The following UBTD1 variants were observed in gnomAD, a reference collection of about 807,000 sequenced individuals.
UBTD1 encodes the protein ubiquitin domain-containing protein 1.
In UBTD1, 19 loss-of-function variants were observed where a neutral mutation model predicts 21.7. That is an observed-to-expected ratio of 0.87 (90% confidence interval 0.61 to 1.28). UBTD1 has a LOEUF of 1.28. UBTD1 is among the 50% of genes most tolerant of loss of function. UBTD1 has a pLI of 0.00. For missense variants in UBTD1, 282 were observed against 315.1 expected, an observed-to-expected ratio of 0.89 and a Z score of 0.80; for synonymous variants, 116 against 135.1, an observed-to-expected ratio of 0.86 and a Z score of 0.98.
chr10:97,520,902 C>T (rs1474712342), intron 1 of UBTD1, among the ~76,000 whole-genome samples: 1 of 152,192 alleles, frequency 6.6e-6, no homozygotes, highest in African/African-American at 2.4e-5. Context: ...CCAGCAAGTG[C>T]TCAGAGTCTG....
rs1411596795 is a variant in UBTD1 at position 97,570,366 on chromosome 10, G to A, written c.527G>A (p.Arg176Lys). 1.9e-6 allele frequency: 3 copies of A among 1,613,220 alleles called. No individual in the cohort carries two copies. The highest frequency in any genetic ancestry group is 3.3e-5 in the Admixed American group (2 of 60,008). The stretch of plus-strand genomic sequence containing the variant: ...CCCGACACAGTGGGGCAGCTCAAGA[G>A]GCAGCTGCACGCCCAGGAGGGCATC... ...SLPDTVGQLK[R>K]QLHAQEGIEP... is the part of the protein sequence containing the mutation. Residue 176 changes from arginine to lysine, a missense_variant, in exon 3 of 3, where the codon AGG (arginine) becomes AAG (lysine). Coordinates refer to ENST00000370664, the MANE Select transcript of UBTD1 (RefSeq NM_024954.5). The surrounding 1 kb of genome is among the most constrained non-coding windows in gnomAD (Gnocchi z 6.6).
chr10:97,504,588 T>C (rs12357653), intron 1 of UBTD1, among the ~76,000 whole-genome samples: 8,796 of 152,276 alleles, frequency 0.058, 316 homozygotes, highest in African/African-American at 0.11. Flanking sequence ...TTTTATTTTG[T>C]TCCATTGCTT....
intron 1 of UBTD1, among the ~76,000 whole-genome samples, chr10:97,532,761 G>A (rs897811940): frequency 1.3e-5 from 2 of 151,902 alleles, no homozygotes; most frequent in Non-Finnish European, 2.9e-5. Context: ...CTGCTCTCCA[G>A]CCTGGGCAAC....
chr10:97,509,657 T>C (rs1472788744), intron 1 of UBTD1, among the ~76,000 whole-genome samples: 1 of 151,876 alleles, frequency 6.6e-6, no homozygotes, highest in Non-Finnish European at 1.5e-5. Context: ...TCCTTTTTTT[T>C]CCCCCCACCC....
At chr10:97,568,332 A>T (rs2040728286) in intron 2 of UBTD1, among the ~76,000 whole-genome samples, 191 bp downstream of exon 2, 1 of 152,230 alleles carries the variant, frequency 6.6e-6, no homozygotes, top group Admixed American at 6.5e-5. Flanking sequence ...TGCTTGCCTA[A>T]TGACATGACA....
At chr10:97,511,105 A>C (rs1480490439) in intron 1 of UBTD1, among the ~76,000 whole-genome samples, 1 of 152,096 alleles carries the variant, frequency 6.6e-6, no homozygotes, top group African/African-American at 2.4e-5. Flanking sequence ...ACTGCTGATA[A>C]ACTTCCACAT....
intron 1 of UBTD1, among the ~76,000 whole-genome samples, chr10:97,532,626 TTAAAAGTATAAAA>T (rs1213429006): frequency 6.6e-6 from 1 of 151,998 alleles, no homozygotes; most frequent in African/African-American, 2.4e-5. Context: ...CCCGTCTCTA[TTAAAAGTATAAAA>T]ATTAGCTGGG....
At chr10:97,544,414 A>G (rs1411066886) in intron 1 of UBTD1, among the ~76,000 whole-genome samples, 1 of 152,194 alleles carries the variant, frequency 6.6e-6, no homozygotes, top group Non-Finnish European at 1.5e-5. Context: ...TATTCCAGAG[A>G]GCAGAGCTGA....
At position 97,560,129 on chromosome 10, in the gene UBTD1, A is replaced by AT. The variant is rs200001647; in HGVS notation, c.71-7775dup. 7.8e-3 allele frequency among the ~76,000 whole-genome samples: 1,167 copies of AT among 149,926 alleles called. 18 individuals carry two copies. The highest frequency in any genetic ancestry group is 0.027 in the African/African-American group (1,087 of 40,956). On this transcript the variant is annotated intron_variant, in intron 1 of 2. Coordinates refer to ENST00000370664, the MANE Select transcript of UBTD1 (RefSeq NM_024954.5). ...TTCAACTTTTTGACTTGTTACAAAC[A>AT]TTTTTTTTTTCTTTAAACAACCACT...
At chr10:97,560,935 C>CCAAAAT in intron 1 of UBTD1, among the ~76,000 whole-genome samples, 1 of 151,278 alleles carries the variant, frequency 6.6e-6, no homozygotes, top group Non-Finnish European at 1.5e-5. Flanking sequence ...AAAACCAAAA[C>CCAAAAT]CAAAGTATCA....
intron 1 of UBTD1, among the ~76,000 whole-genome samples, chr10:97,539,957 C>G (rs1178613264): frequency 6.6e-6 from 1 of 152,112 alleles, no homozygotes; most frequent in Non-Finnish European, 1.5e-5. Context: ...TTCCAAACAA[C>G]CACCCCCAGA....
intron 1 of UBTD1, among the ~76,000 whole-genome samples, chr10:97,503,722 C>T (rs2040387178): frequency 6.6e-6 from 1 of 152,160 alleles, no homozygotes; most frequent in African/African-American, 2.4e-5. Context: ...GCCAAGCACC[C>T]TGCTGGCTGT....
chr10:97,529,710 G>C (rs891165114), intron 1 of UBTD1, among the ~76,000 whole-genome samples: 4 of 152,036 alleles, frequency 2.6e-5, no homozygotes, highest in Non-Finnish European at 4.4e-5. Flanking sequence ...GTCCAGCTTC[G>C]GCTCGGCATG....
At chr10:97,550,337 G>A (rs1227052242) in intron 1 of UBTD1, among the ~76,000 whole-genome samples, 1 of 152,176 alleles carries the variant, frequency 6.6e-6, no homozygotes, top group Non-Finnish European at 1.5e-5. Context: ...GGCCTGACTG[G>A]GGAAATCTCT....
chr10:97,535,544 G>A (rs975674315), intron 1 of UBTD1, among the ~76,000 whole-genome samples: 1 of 152,182 alleles, frequency 6.6e-6, no homozygotes, highest in Non-Finnish European at 1.5e-5. Context: ...GAACCCAGGA[G>A]GCGGAGGTTG....
chr10:97,499,139 G>A lies in UBTD1; in HGVS notation c.-65G>A. The A allele has an allele frequency of 2.0e-6, 3 of 1,466,380 alleles. No individual in the cohort carries two copies. Among genetic ancestry groups the A allele is most frequent in the Non-Finnish European group, 2.7e-6 (3 of 1,100,836 alleles). The allele number at this position is 1,466,380 out of a possible 1,614,324, so 90.8% of individuals were successfully genotyped here. The stretch of plus-strand genomic sequence containing the variant: ...GCCGGAGCCATTGACCCGGGACGCC[G>A]CCGTCCGCTGAGCAGCCGACCACCC... On this transcript the variant is annotated 5_prime_UTR_variant, in exon 1 of 3. Coordinates refer to ENST00000370664, the MANE Select transcript of UBTD1 (RefSeq NM_024954.5).
chr10:97,509,452 G>T (rs943831187), intron 1 of UBTD1, among the ~76,000 whole-genome samples: 1 of 152,176 alleles, frequency 6.6e-6, no homozygotes, highest in Admixed American at 6.5e-5. Flanking sequence ...ACAGCACAGC[G>T]GATGCTTAGA....
chr10:97,552,010 C>G (rs1043156498), intron 1 of UBTD1, among the ~76,000 whole-genome samples: 2 of 151,994 alleles, frequency 1.3e-5, no homozygotes, highest in Admixed American at 1.3e-4. Flanking sequence ...CTTCTGGGCT[C>G]AAGTTATCCT....
intron 1 of UBTD1, among the ~76,000 whole-genome samples, chr10:97,564,560 CTTA>C (rs983119011): frequency 6.6e-6 from 1 of 152,088 alleles, no homozygotes; most frequent in Non-Finnish European, 1.5e-5. Flanking sequence ...TCCACAACTC[CTTA>C]TTATTATTTT....
Sources: gnomAD v4.1 joint callset for allele counts (sites outside exome capture counted in the v4.1 genomes callset) on GRCh38, gnomAD v4.1.1 for gene constraint, Gnocchi (gnomAD v3.1) non-coding constraint, MANE v1.5 for transcripts, NCBI Gene and HGNC (gene_info 2026-07-23, HGNC 2026-07-21) for gene names.